Variants in NTM observed in about 807,000 individuals in gnomAD.
NTM encodes the protein IgLON family member 2.
Under a neutral mutation model 42.1 loss-of-function variants are expected in NTM, and 13 were observed. That is an observed-to-expected ratio of 0.31 (90% confidence interval 0.20 to 0.49). NTM has a LOEUF of 0.49. Among genes scored for constraint, NTM ranks in the 20% least tolerant of loss-of-function variants. The pLI is 0.99. For missense variants in NTM, 373 were observed against 452.8 expected (o/e 0.82, Z 1.60); for synonymous variants, 187 against 179.2 (o/e 1.04, Z -0.35).
At chr11:131,783,745 C>G (rs529219110) in intron 1 of NTM, among the ~76,000 whole-genome samples, 1 of 151,816 alleles carries the variant, frequency 6.6e-6, no homozygotes, top group African/African-American at 2.4e-5. Context: ...TTTCTTAGAC[C>G]GAAGGCAAAA....
At chr11:132,280,348 CA>C (rs2093921589) in intron 4 of NTM, among the ~76,000 whole-genome samples, 1 of 152,150 alleles carries the variant, frequency 6.6e-6, no homozygotes, top group African/African-American at 2.4e-5. Flanking sequence ...GACACTCCAG[CA>C]GAAACATGCA....
chr11:131,765,035 G>A (rs1332601958), intron 1 of NTM, among the ~76,000 whole-genome samples: 2 of 152,256 alleles, frequency 1.3e-5, no homozygotes, highest in East Asian at 3.9e-4. Context: ...CACTGGTAGT[G>A]GAACCCAGCC....
chr11:132,256,332 C>T (rs947243443), intron 4 of NTM, among the ~76,000 whole-genome samples: 1 of 152,236 alleles, frequency 6.6e-6, no homozygotes, highest in Non-Finnish European at 1.5e-5. Flanking sequence ...ACGCCCATCA[C>T]CCAGTGCTTC....
At chr11:131,671,338 C>A (rs2070189229) in intron 1 of NTM, 2 of 771,054 alleles carry the variant, frequency 2.6e-6, no homozygotes, top group African/African-American at 1.9e-5. Flanking sequence ...CCCGCCCAAC[C>A]CCATCACTGC....
chr11:131,589,985 C>G (rs746992395), intron 1 of NTM, among the ~76,000 whole-genome samples: 1 of 152,238 alleles, frequency 6.6e-6, no homozygotes, highest in Non-Finnish European at 1.5e-5. Context: ...CCAGGATCCT[C>G]CTAAATGCAG....
chr11:132,155,824 G>T (rs1481201095), intron 3 of NTM, among the ~76,000 whole-genome samples: 1 of 152,150 alleles, frequency 6.6e-6, no homozygotes, highest in Non-Finnish European at 1.5e-5. Context: ...TGAAATTGAG[G>T]TTGGAATGGA....
chr11:132,138,109 C>G (rs1390097958), intron 2 of NTM, among the ~76,000 whole-genome samples: 1 of 152,170 alleles, frequency 6.6e-6, no homozygotes, highest in Non-Finnish European at 1.5e-5. Flanking sequence ...CCAACCTTGG[C>G]AGCCGCCTCA....
chr11:132,008,064 C>G (rs1038843394), intron 2 of NTM, among the ~76,000 whole-genome samples: 1 of 152,138 alleles, frequency 6.6e-6, no homozygotes, highest in Non-Finnish European at 1.5e-5. Context: ...GGAAATACAC[C>G]TAGTCCTCTG....
chr11:132,164,097 G>A (rs2074873946), intron 3 of NTM, among the ~76,000 whole-genome samples: 1 of 152,176 alleles, frequency 6.6e-6, no homozygotes, highest in Admixed American at 6.5e-5. Context: ...CTTGATGAAA[G>A]ACAAATCTTT....
chr11:132,060,398 A>C (rs1416477692), intron 2 of NTM, among the ~76,000 whole-genome samples: 1 of 152,180 alleles, frequency 6.6e-6, no homozygotes, highest in Admixed American at 6.5e-5. Context: ...CCTAGAGTAA[A>C]GTCTTCCTAA....
chr11:131,383,617 A>C (rs976767078), intron 1 of NTM, among the ~76,000 whole-genome samples: 2 of 152,088 alleles, frequency 1.3e-5, no homozygotes, highest in African/African-American at 4.8e-5. Flanking sequence ...TGATGGGAGG[A>C]GGAATGTAGG....
intron 1 of NTM, among the ~76,000 whole-genome samples, chr11:131,873,263 A>T (rs967872508): frequency 1.3e-5 from 2 of 152,216 alleles, no homozygotes; most frequent in South Asian, 2.1e-4. Context: ...ACACAGGAAC[A>T]GAAAACCAAA....
At chr11:131,998,638 C>T (rs184798940) in intron 2 of NTM, among the ~76,000 whole-genome samples, 108 of 152,274 alleles carry the variant, frequency 7.1e-4, no homozygotes, top group African/African-American at 2.5e-3. Flanking sequence ...CATACTCCGT[C>T]GGTCACCCTG....
intron 1 of NTM, among the ~76,000 whole-genome samples, chr11:131,574,978 G>A (rs919037909): frequency 1.3e-5 from 2 of 152,130 alleles, no homozygotes; most frequent in Non-Finnish European, 2.9e-5. Context: ...AGCTCTCTCA[G>A]GCTTGGAAGA....
At chr11:131,789,635 AAAAGAAGAAGAAGAAGAAGAAGAAGAAG>A (rs2090467825) in intron 1 of NTM, among the ~76,000 whole-genome samples, 1 of 37,906 alleles carries the variant, frequency 2.6e-5, no homozygotes, top group African/African-American at 9.4e-5. Flanking sequence ...GAAGAAGAAG[AAAAGAAGAAGAAGAAGAAGAAGAAGAAG>A]AAGAAAGCAT....
In NTM at chr11:131,484,400, A is replaced by T. The variant is rs115347046; in HGVS notation, c.82+113512A>T. On this transcript the variant is annotated intron_variant, in intron 1 of 8. Transcript: ENST00000683400. The stretch of plus-strand genomic sequence containing the variant: ...TTTCCTTTTCAAATGCAAGTATTGG[A>T]GAAGGCAAAATGGTCCTTCCTTTGA... 7.6e-3 allele frequency among the ~76,000 whole-genome samples: 1,156 copies of T among 152,314 alleles called. 13 individuals are homozygous for T. Among genetic ancestry groups the T allele is most frequent in the African/African-American group, 0.026 (1,079 of 41,576 alleles).
At chr11:131,652,503 C>G (rs2066626965) in intron 1 of NTM, among the ~76,000 whole-genome samples, 1 of 152,222 alleles carries the variant, frequency 6.6e-6, no homozygotes, top group Admixed American at 6.5e-5. Context: ...AGGCTCATCT[C>G]CTGACATGCT....
intron 4 of NTM, among the ~76,000 whole-genome samples, chr11:132,255,565 T>A (rs1169147319): frequency 2.0e-5 from 3 of 152,206 alleles, no homozygotes; most frequent in Non-Finnish European, 4.4e-5. Context: ...CCTTTCAGAA[T>A]GAAGCTCACT....
At chr11:131,834,998 T>C (rs2043305691) in intron 1 of NTM, among the ~76,000 whole-genome samples, 1 of 152,162 alleles carries the variant, frequency 6.6e-6, no homozygotes, top group South Asian at 2.1e-4. Context: ...AGCTTTAACA[T>C]TCTTACTATG....
Sources: gnomAD v4.1 joint callset for allele counts (sites outside exome capture counted in the v4.1 genomes callset) on GRCh38, gnomAD v4.1.1 for gene constraint, MANE v1.5 for transcripts, NCBI Gene and HGNC (gene_info 2026-07-23, HGNC 2026-07-21) for gene names.